Variants in TDRP observed in about 807,000 individuals in gnomAD.
TDRP encodes testis development-related protein.
TDRP carries 12 observed loss-of-function variants against 10.5 expected under a neutral mutation model. The observed-to-expected ratio is 1.15, with a 90% CI of 0.73 to 1.86. TDRP has a LOEUF of 1.86. Ranked by LOEUF, TDRP falls within the 40% of genes most tolerant of loss-of-function variation. The pLI, the probability that TDRP is intolerant of heterozygous loss-of-function variation, is 0.00. For synonymous variants in TDRP, 139 were observed against 95.4 expected, an observed-to-expected ratio of 1.46 and a Z score of -2.67; for missense variants, 353 against 229.2, an observed-to-expected ratio of 1.54 and a Z score of -3.49.
At chr8:538,038 C>T (rs1433817689) in intron 1 of TDRP, among the ~76,000 whole-genome samples, 1 of 152,264 alleles carries the variant, frequency 6.6e-6, no homozygotes, top group East Asian at 1.9e-4. Flanking sequence ...TGTCTGCAAC[C>T]TTTCACCACT....
intron 1 of TDRP, among the ~76,000 whole-genome samples, chr8:517,983 G>C (rs548450234): frequency 6.6e-6 from 1 of 152,174 alleles, no homozygotes; most frequent in Non-Finnish European, 1.5e-5. Flanking sequence ...GTGGAGCACA[G>C]TGGAATTTTA....
chr8:513,330 G>T (rs892490334), intron 1 of TDRP, among the ~76,000 whole-genome samples: 1 of 151,862 alleles, frequency 6.6e-6, no homozygotes, highest in Non-Finnish European at 1.5e-5. Context: ...TAATCAAGTG[G>T]GATTTATCTC....
At chr8:507,194 G>C (rs1257292309) in intron 1 of TDRP, among the ~76,000 whole-genome samples, 1 of 152,136 alleles carries the variant, frequency 6.6e-6, no homozygotes, top group African/African-American at 2.4e-5. Flanking sequence ...GTGTAGGGGA[G>C]ACTGCCCCCA....
At chr8:534,498 A>G (rs1802294334) in intron 1 of TDRP, among the ~76,000 whole-genome samples, 1 of 152,170 alleles carries the variant, frequency 6.6e-6, no homozygotes, top group South Asian at 2.1e-4. Context: ...AGCCATCTCT[A>G]ACACAGGTGC....
At chr8:544,066 G>C (rs1009454547) in intron 1 of TDRP, among the ~76,000 whole-genome samples, 1 of 152,126 alleles carries the variant, frequency 6.6e-6, no homozygotes, top group Non-Finnish European at 1.5e-5. Flanking sequence ...TCAGTACAAA[G>C]GACTTCTGCC....
At chr8:503,324 C>T (rs572161531) in intron 1 of TDRP, among the ~76,000 whole-genome samples, 1 of 148,556 alleles carries the variant, frequency 6.7e-6, no homozygotes, top group South Asian at 2.2e-4. Context: ...GAGTCACACA[C>T]TGGAACCAAT....
intron 1 of TDRP, among the ~76,000 whole-genome samples, chr8:504,459 A>G (rs115754817): frequency 1.3e-5 from 2 of 152,254 alleles, no homozygotes; most frequent in African/African-American, 4.8e-5. Flanking sequence ...AGGAGCCCCT[A>G]AGAAACCCAC....
At chr8:524,541 G>A (rs534617559) in intron 1 of TDRP, among the ~76,000 whole-genome samples, 6 of 152,146 alleles carry the variant, frequency 3.9e-5, no homozygotes, top group Non-Finnish European at 8.8e-5. Flanking sequence ...AGATGACACA[G>A]AGAAGGAATT....
chr8:500,010 G>A (rs1170387491), intron 1 of TDRP, among the ~76,000 whole-genome samples: 3 of 152,188 alleles, frequency 2.0e-5, no homozygotes, highest in South Asian at 2.1e-4. Context: ...TGAGGACCAA[G>A]AAGAATGATG....
intron 1 of TDRP, among the ~76,000 whole-genome samples, chr8:516,569 C>CCCAG (rs1250055051): frequency 6.6e-6 from 1 of 152,174 alleles, no homozygotes; most frequent in Admixed American, 6.5e-5. Context: ...CACTGCCACA[C>CCCAG]ACCTATCAGA....
intron 2 of TDRP, 133 bp downstream of exon 2, chr8:494,361 G>GAAA (rs1801070929): frequency 2.7e-6 from 2 of 747,898 alleles, no homozygotes; most frequent in Non-Finnish European, 4.4e-6. Context: ...AGTGGGGAGG[G>GAAA]AAACATGGAC....
At position 491,446 on chromosome 8, in the gene TDRP, T is replaced by G. The variant is rs1024746165; in HGVS notation, c.*953A>C. The G allele has an allele frequency of 1.4e-5, 8 of 582,456 alleles. No homozygotes were observed. Among genetic ancestry groups the G allele is most frequent in the Non-Finnish European group, 2.2e-5 (8 of 364,832 alleles). 36.1% of individuals were successfully genotyped at this position (582,456 alleles called of 1,614,324 possible). On this transcript the variant is annotated 3_prime_UTR_variant, in exon 3 of 3. Coordinates refer to ENST00000324079, the MANE Select transcript of TDRP (RefSeq NM_001384899.1). ...GCAGACAGAAAAAGAACGCGAGAGA[T>G]GCTCTCAAACCGGTCGTCGATTATT...
chr8:523,136 G>T (rs972558704), intron 1 of TDRP, among the ~76,000 whole-genome samples: 1 of 152,038 alleles, frequency 6.6e-6, no homozygotes, highest in Non-Finnish European at 1.5e-5. Context: ...ATTTTGTAGT[G>T]AAATGTTTTT....
At chr8:523,721 G>A (rs1206283456) in intron 1 of TDRP, among the ~76,000 whole-genome samples, 1 of 152,156 alleles carries the variant, frequency 6.6e-6, no homozygotes, top group Non-Finnish European at 1.5e-5. Flanking sequence ...CTTGTGGAAA[G>A]GGGAGGGAAG....
At chr8:499,754 G>C (rs114126289) in intron 1 of TDRP, among the ~76,000 whole-genome samples, 1 of 152,194 alleles carries the variant, frequency 6.6e-6, no homozygotes, top group African/African-American at 2.4e-5. Flanking sequence ...AGCATCCCCC[G>C]GGAAGGACAG....
intron 1 of TDRP, among the ~76,000 whole-genome samples, chr8:495,623 G>A (rs989640919): frequency 2.0e-5 from 3 of 152,168 alleles, no homozygotes; most frequent in African/African-American, 7.2e-5. Context: ...TCATCACATT[G>A]CTAGGGCTGG....
intron 1 of TDRP, among the ~76,000 whole-genome samples, chr8:510,928 A>C (rs958772470): frequency 1.5e-4 from 23 of 152,236 alleles, no homozygotes; most frequent in African/African-American, 5.3e-4. Flanking sequence ...TGTGTATGTA[A>C]TATATTTGCC....
intron 1 of TDRP, among the ~76,000 whole-genome samples, chr8:499,302 C>T (rs1348390109): frequency 6.6e-6 from 1 of 152,156 alleles, no homozygotes; most frequent in African/African-American, 2.4e-5. Flanking sequence ...TACTTCCTTA[C>T]AAGAATGCCT....
intron 1 of TDRP, among the ~76,000 whole-genome samples, chr8:500,904 G>C (rs1030218911): frequency 2.6e-5 from 4 of 152,216 alleles, no homozygotes; most frequent in Non-Finnish European, 4.4e-5. Flanking sequence ...TCCAGCAAGA[G>C]GGTTAACAAG....
Sources: gnomAD v4.1 joint callset for allele counts (sites outside exome capture counted in the v4.1 genomes callset) on GRCh38, gnomAD v4.1.1 for gene constraint, MANE v1.5 for transcripts, NCBI Gene and HGNC (gene_info 2026-07-23, HGNC 2026-07-21) for gene names.